The following GPHN variants were observed in gnomAD, a reference collection of about 807,000 sequenced individuals.
The protein encoded by GPHN is gephyrin.
In GPHN, 17 loss-of-function variants were observed where a neutral mutation model predicts 95.5. The ratio of observed to expected loss-of-function variants is 0.18; its 90% CI spans 0.12 to 0.27. The LOEUF (loss-of-function observed/expected upper bound fraction) is 0.27. Among genes scored for constraint, GPHN ranks in the 10% least tolerant of loss-of-function variants. The probability of loss-of-function intolerance (pLI) is 1.00; values close to 1 mark genes in which losing one functional copy is unlikely to be tolerated. For missense variants in GPHN, 660 were observed against 978.1 expected (o/e 0.67, Z 4.34); for synonymous variants, 320 against 322.5 (o/e 0.99, Z 0.08).
chr14:66,693,464 A>C (rs1254992403), intron 2 of GPHN, among the ~76,000 whole-genome samples: 1 of 152,218 alleles, frequency 6.6e-6, no homozygotes, highest in African/African-American at 2.4e-5. Flanking sequence ...ACATATATAC[A>C]TACGGGATTT....
chr14:66,673,958 G>A (rs10139822), intron 1 of GPHN, among the ~76,000 whole-genome samples: 49,846 of 151,944 alleles, frequency 0.33, 11,983 homozygotes, highest in African/African-American at 0.65. Context: ...TCGCATATCC[G>A]TAATCTCAAA....
the GPHN span, chr14:67,333,927 C>G: frequency 6.6e-6 from 1 of 152,366 alleles, no homozygotes; most frequent in Non-Finnish European, 1.5e-5. Flanking sequence ...GACTGTGCTA[C>G]GTATATATAG....
intron 4 of GPHN, among the ~76,000 whole-genome samples, chr14:66,842,038 G>GTAA (rs1328031642): frequency 6.6e-5 from 10 of 151,808 alleles, no homozygotes; most frequent in South Asian, 2.1e-4. Flanking sequence ...GGGTGACAGA[G>GTAA]TAAGACTCCT....
At chr14:66,666,214 A>C (rs961589362) in intron 1 of GPHN, among the ~76,000 whole-genome samples, 1 of 151,858 alleles carries the variant, frequency 6.6e-6, no homozygotes, top group Non-Finnish European at 1.5e-5. Context: ...ACAAACCTGC[A>C]CGTTGTGCAC....
At chr14:66,752,055 C>G (rs2058386079) in intron 2 of GPHN, among the ~76,000 whole-genome samples, 1 of 152,112 alleles carries the variant, frequency 6.6e-6, no homozygotes, top group African/African-American at 2.4e-5. Flanking sequence ...TCTTAAACCT[C>G]ATGAAGCAAC....
intron 1 of GPHN, among the ~76,000 whole-genome samples, chr14:66,561,071 C>T (rs1315137237): frequency 2.0e-5 from 3 of 152,142 alleles, no homozygotes; most frequent in Non-Finnish European, 4.4e-5. Flanking sequence ...TTGAACCAGC[C>T]TTGCATCCCA....
At chr14:66,648,494 G>A (rs1399039107) in intron 1 of GPHN, among the ~76,000 whole-genome samples, 3 of 152,100 alleles carry the variant, frequency 2.0e-5, no homozygotes, top group African/African-American at 7.2e-5. Context: ...ATAATACAGT[G>A]TATTTACTGT....
chr14:67,664,421 A>G, the GPHN span, among the ~76,000 whole-genome samples: 1 of 152,108 alleles, frequency 6.6e-6, no homozygotes, highest in Admixed American at 6.5e-5. Context: ...GTATGGGGAT[A>G]TGGCCTTTTA....
At chr14:66,728,474 C>T (rs1350082619) in intron 2 of GPHN, among the ~76,000 whole-genome samples, 2 of 152,226 alleles carry the variant, frequency 1.3e-5, no homozygotes, top group South Asian at 4.1e-4. Flanking sequence ...GGAGGCTGTA[C>T]CCTGCAAAGC....
chr14:66,831,669 G>GTTTTCTCATCTGCTAAATTAGCTAAT, intron 4 of GPHN, among the ~76,000 whole-genome samples: 1 of 152,140 alleles, frequency 6.6e-6, no homozygotes, highest in African/African-American at 2.4e-5. Flanking sequence ...GTTCAAATCT[G>GTTTTCTCATCTGCTAAATTAGCTAAT]TTTTCTCATC....
In GPHN at chr14:66,661,445, C is replaced by T. The variant is rs375415312; in HGVS notation, c.65-19662C>T. On this transcript the variant is annotated intron_variant, in intron 1 of 22. Coordinates refer to ENST00000478722, the MANE Select transcript of GPHN (RefSeq NM_020806.5). ...TTAAGAGGGACCCTCAATCCAAATC[C>T]TCTTCTTGGGTGTTACCTCCCAACT... Among the ~76,000 whole-genome samples the T allele has an allele frequency of 1.7e-4, 26 of 152,170 alleles. No homozygotes were observed. The East Asian group carries it at 4.7e-3, about 27-fold the overall frequency.
rs894738404 is a variant in GPHN, at chr14:67,122,441, T to C, written c.1748+64T>C. ...CAAATACGAGTTTTTGGAATACTCA[T>C]TAGGTGGAGTTGCTGCTAAAGAGAC... On this transcript the variant is annotated intron_variant, in intron 17 of 22. Transcript: ENST00000478722. The C allele has an allele frequency of 1.5e-5, 20 of 1,374,474 alleles. No individual in the cohort carries two copies. The African/African-American group carries it at 2.4e-4, about 17-fold the overall frequency. The allele number at this position is 1,374,474 out of a possible 1,614,324, so 85.1% of individuals were successfully genotyped here.
the GPHN span, among the ~76,000 whole-genome samples, chr14:67,389,862 G>A: frequency 1.3e-5 from 2 of 150,608 alleles, no homozygotes; most frequent in Admixed American, 1.3e-4. Flanking sequence ...GAAGGAGTTT[G>A]AACTCCATCC....
chr14:67,467,225 G>A, the GPHN span: 1 of 152,174 alleles, frequency 6.6e-6, no homozygotes, highest in African/African-American at 2.4e-5. Context: ...CCTGGTCCTT[G>A]GCTCACTGCA....
At chr14:66,669,035 C>CT (rs2066142668) in intron 1 of GPHN, among the ~76,000 whole-genome samples, 1 of 151,578 alleles carries the variant, frequency 6.6e-6, no homozygotes, top group African/African-American at 2.4e-5. Flanking sequence ...CAGGGTTTGG[C>CT]TATGTTAGCT....
chr14:67,638,617 T>G, the GPHN span, among the ~76,000 whole-genome samples: 45 of 152,252 alleles, frequency 3.0e-4, no homozygotes, highest in African/African-American at 1.1e-3. Flanking sequence ...GTGCAAATTA[T>G]AGAGTTGAGT....
At chr14:67,564,966 C>T in the GPHN span, among the ~76,000 whole-genome samples, 1 of 152,148 alleles carries the variant, frequency 6.6e-6, no homozygotes, top group Admixed American at 6.5e-5. Flanking sequence ...GCTGGGATTA[C>T]GGGTGTGAGC....
chr14:66,883,860 G>A lies in GPHN; in HGVS notation c.389+3827G>A, dbSNP rs187761589. On this transcript the variant is annotated intron_variant, in intron 5 of 22. Coordinates refer to ENST00000478722, the MANE Select transcript of GPHN (RefSeq NM_020806.5). ...TTGTACTTATTTTATACTGTCCCAC[G>A]TATTCACAGCTCAGGGATGACCCTG... Among the ~76,000 whole-genome samples, 8 of 152,124 alleles carry A rather than the reference G, an allele frequency of 5.3e-5. No homozygotes were observed. In the East Asian group the frequency reaches 1.2e-3, roughly 22 times the overall value.
chr14:67,559,852 A>T, the GPHN span, among the ~76,000 whole-genome samples: 1 of 151,890 alleles, frequency 6.6e-6, no homozygotes, highest in Non-Finnish European at 1.5e-5. Flanking sequence ...ACCGTAGTTC[A>T]CTTCCCCTTT....
Sources: allele counts gnomAD v4.1 joint callset (sites outside exome capture counted in the v4.1 genomes callset), GRCh38; gene constraint gnomAD v4.1.1; transcripts MANE v1.5; gene names NCBI Gene and HGNC (gene_info 2026-07-23, HGNC 2026-07-21).